The following STK32B variants were observed in gnomAD, a reference collection of about 807,000 sequenced individuals.
STK32B encodes serine/threonine-protein kinase 32B.
Under a neutral mutation model 52.6 loss-of-function variants are expected in STK32B, and 43 were observed. The observed-to-expected ratio is 0.82, with a 90% CI of 0.64 to 1.05. The LOEUF is 1.05. Ranked by LOEUF, STK32B falls within the 50% of genes least tolerant of loss-of-function variation. The probability of loss-of-function intolerance (pLI) is 0.00; values close to 1 mark genes in which losing one functional copy is unlikely to be tolerated. For synonymous variants in STK32B, 238 were observed against 204.3 expected, an observed-to-expected ratio of 1.17 and a Z score of -1.41; for missense variants, 621 against 534.6, an observed-to-expected ratio of 1.16 and a Z score of -1.59.
At chr4:5,096,935 A>G (rs1426118511) in intron 1 of STK32B, among the ~76,000 whole-genome samples, 1 of 152,226 alleles carries the variant, frequency 6.6e-6, no homozygotes, top group Non-Finnish European at 1.5e-5. Context: ...AGCCCATTCA[A>G]TCATCACAGT....
intron 2 of STK32B, among the ~76,000 whole-genome samples, chr4:5,156,279 AATATT>A (rs1274462620): frequency 1.3e-5 from 2 of 151,942 alleles, no homozygotes; most frequent in African/African-American, 4.8e-5. Flanking sequence ...TAAATGCATG[AATATT>A]ATATAAATAA....
the STK32B span, among the ~76,000 whole-genome samples, chr4:5,027,716 TGATGGGCCCATGGCTCAG>T: frequency 6.6e-6 from 1 of 152,142 alleles, no homozygotes; most frequent in African/African-American, 2.4e-5. Context: ...ACAGGAGTGA[TGATGGGCCCATGGCTCAG>T]GAGGGACTAA....
intron 3 of STK32B, among the ~76,000 whole-genome samples, chr4:5,172,142 T>A (rs532255558): frequency 2.0e-5 from 3 of 152,218 alleles, no homozygotes; most frequent in African/African-American, 7.2e-5. Context: ...TGCTTGTGAT[T>A]TTTGTACATT....
At position 5,392,540 on chromosome 4, in the gene STK32B, A is replaced by AT. The variant is rs71927953; in HGVS notation, c.435-5659dup. Reference sequence around the variant, plus strand: ...GGGAACCCCAATTTATTCCTAATTTATTTTTTTTCATTTCCCCACCCACAG... The same window carrying AT: ...GGGAACCCCAATTTATTCCTAATTTATTTTTTTTTCATTTCCCCACCCACAG... On this transcript the variant is annotated intron_variant, in intron 4 of 11. Transcript: ENST00000282908. Among the ~76,000 whole-genome samples the AT allele has an allele frequency of 4.2e-3, 641 of 152,006 alleles. 27 individuals carry two copies. The East Asian group carries it at 0.083, about 20-fold the overall frequency.
At chr4:5,054,580 AC>A (rs1302983674) in intron 1 of STK32B, among the ~76,000 whole-genome samples, 1 of 152,122 alleles carries the variant, frequency 6.6e-6, no homozygotes, top group East Asian at 1.9e-4. Flanking sequence ...CAAAAGATGA[AC>A]CCTGAATGCC....
At chr4:5,235,723 A>G (rs986258593) in intron 3 of STK32B, among the ~76,000 whole-genome samples, 3 of 152,234 alleles carry the variant, frequency 2.0e-5, no homozygotes, top group Non-Finnish European at 2.9e-5. Flanking sequence ...CTAAAAATAG[A>G]GTCTTCGATT....
intron 4 of STK32B, among the ~76,000 whole-genome samples, chr4:5,351,010 A>G (rs971872283): frequency 6.6e-6 from 1 of 152,132 alleles, no homozygotes; most frequent in African/African-American, 2.4e-5. Flanking sequence ...CTCCAGTACA[A>G]TAACAGTTGG....
In STK32B at chr4:5,059,052, C is replaced by CTTTT. The variant is rs3072775; in HGVS notation, c.52+7163_52+7166dup. On this transcript the variant is annotated intron_variant, in intron 1 of 11. Coordinates refer to ENST00000282908, the MANE Select transcript of STK32B (RefSeq NM_018401.3). Reference sequence around the variant, plus strand: ...AGGCGTGAGCCACCACGCCCAGCTGCTTTTTTTTTTTTTTTTTTTTTTTTT... The same window carrying CTTTT: ...AGGCGTGAGCCACCACGCCCAGCTGCTTTTTTTTTTTTTTTTTTTTTTTTTTTTT... Among the ~76,000 whole-genome samples the CTTTT allele has an allele frequency of 8.3e-4, 72 of 86,910 alleles. 3 individuals carry two copies. The highest frequency in any genetic ancestry group is 1.2e-3 in the African/African-American group (25 of 20,660). The allele number at this position is 86,910 out of a possible 152,430, so 57.0% of individuals were successfully genotyped here.
chr4:5,178,543 CG>C (rs1156990530), intron 3 of STK32B, among the ~76,000 whole-genome samples: 1 of 152,172 alleles, frequency 6.6e-6, no homozygotes, highest in Non-Finnish European at 1.5e-5. Context: ...ATTTCTTCCC[CG>C]AAAATGGGTT....
In STK32B at chr4:5,051,856, G is replaced by A. The variant is rs374265258; in HGVS notation, c.-8G>A. 2 of 1,595,902 alleles carry A rather than the reference G, an allele frequency of 1.3e-6. No homozygotes were observed. Among genetic ancestry groups the A allele is most frequent in the Admixed American group, 3.4e-5 (2 of 58,090 alleles). On this transcript the variant is annotated 5_prime_UTR_variant, in exon 1 of 12. Transcript: ENST00000282908. The stretch of plus-strand genomic sequence containing the variant: ...CCGGGCATGTAGCAGCGGCAGCAAC[G>A]GCGGAATATGGGCGGGAACCACTCC...
intron 1 of STK32B, among the ~76,000 whole-genome samples, chr4:5,060,684 T>A (rs1291551895): frequency 1.3e-5 from 2 of 152,192 alleles, no homozygotes; most frequent in Admixed American, 1.3e-4. Context: ...TCATCATTTC[T>A]TTTATTGCAT....
At chr4:5,260,568 A>G (rs1200656234) in intron 3 of STK32B, among the ~76,000 whole-genome samples, 2 of 152,198 alleles carry the variant, frequency 1.3e-5, no homozygotes, top group African/African-American at 4.8e-5. Context: ...ATAGGAGTAC[A>G]CTAGGCTACT....
chr4:5,098,060 T>C (rs1713499359), intron 1 of STK32B, among the ~76,000 whole-genome samples: 1 of 152,186 alleles, frequency 6.6e-6, no homozygotes, highest in South Asian at 2.1e-4. Context: ...TGCTTGGCCA[T>C]AGACAGTGGC....
intron 3 of STK32B, among the ~76,000 whole-genome samples, chr4:5,185,038 C>T (rs1462884174): frequency 1.3e-5 from 2 of 152,218 alleles, no homozygotes; most frequent in African/African-American, 4.8e-5. Flanking sequence ...TCTCCTTCTC[C>T]TCCAGCGTCA....
chr4:5,170,640 C>T (rs1719295303), intron 3 of STK32B, among the ~76,000 whole-genome samples: 1 of 152,054 alleles, frequency 6.6e-6, no homozygotes, highest in Non-Finnish European at 1.5e-5. Flanking sequence ...GACATGAACT[C>T]ATCATTTTTA....
At chr4:5,118,657 G>C (rs1423764664) in intron 1 of STK32B, among the ~76,000 whole-genome samples, 1 of 152,206 alleles carries the variant, frequency 6.6e-6, no homozygotes, top group African/African-American at 2.4e-5. Context: ...TCTGCAGAGA[G>C]TTGCCACTCA....
At chr4:5,456,044 G>A (rs540235674) in intron 7 of STK32B, among the ~76,000 whole-genome samples, 96 of 152,266 alleles carry the variant, frequency 6.3e-4, no homozygotes, top group African/African-American at 2.2e-3. Flanking sequence ...TAATGTTCAT[G>A]GGGGTTGGGG....
At chr4:5,411,124 T>C (rs6446357) in intron 5 of STK32B, among the ~76,000 whole-genome samples, 66,632 of 151,544 alleles carry the variant, frequency 0.44, 16,105 homozygotes, top group African/African-American at 0.63. Context: ...CAAGCTCCGT[T>C]TCCTGGGTTC....
chr4:5,221,224 C>T (rs6849416), intron 3 of STK32B, among the ~76,000 whole-genome samples: 2,874 of 152,226 alleles, frequency 0.019, 83 homozygotes, highest in African/African-American at 0.064. Context: ...TTCTGGAAGG[C>T]GGTAATAGGT....
Sources: allele counts gnomAD v4.1 joint callset (sites outside exome capture counted in the v4.1 genomes callset), GRCh38; gene constraint gnomAD v4.1.1; transcripts MANE v1.5; gene names NCBI Gene and HGNC (gene_info 2026-07-23, HGNC 2026-07-21).